The following DCLK1 variants were observed in gnomAD, a reference collection of about 807,000 sequenced individuals.
DCLK1 encodes the protein serine/threonine-protein kinase DCLK1.
In DCLK1, 16 loss-of-function variants were observed where a neutral mutation model predicts 86.2. The observed-to-expected ratio is 0.19, with a 90% CI of 0.13 to 0.28. The LOEUF (loss-of-function observed/expected upper bound fraction) is 0.28. Among genes scored for constraint, DCLK1 ranks in the 10% least tolerant of loss-of-function variants. DCLK1 has a pLI of 1.00. For synonymous variants in DCLK1, 369 were observed against 370.5 expected, an observed-to-expected ratio of 1.00 and a Z score of 0.05; for missense variants, 590 against 940.2, an observed-to-expected ratio of 0.63 and a Z score of 4.87.
At chr13:36,056,049 T>A (rs1883294437) in intron 3 of DCLK1, among the ~76,000 whole-genome samples, 1 of 147,950 alleles carries the variant, frequency 6.8e-6, no homozygotes, top group East Asian at 2.0e-4. Flanking sequence ...ATTGTGGAAG[T>A]CAGTGTGGCG....
intron 15 of DCLK1, among the ~76,000 whole-genome samples, chr13:35,804,756 A>G (rs2086992355): frequency 1.3e-5 from 2 of 152,212 alleles, no homozygotes; most frequent in Admixed American, 6.5e-5. Flanking sequence ...ATTAATCAAA[A>G]CAAATTTCAC....
chr13:35,875,011 G>C (rs1409549259), intron 4 of DCLK1, among the ~76,000 whole-genome samples: 3 of 152,226 alleles, frequency 2.0e-5, no homozygotes, highest in Non-Finnish European at 2.9e-5. Flanking sequence ...AGGCATGATG[G>C]AGAACAATAC....
chr13:35,956,027 G>C (rs1479768094), intron 3 of DCLK1, among the ~76,000 whole-genome samples: 3 of 152,148 alleles, frequency 2.0e-5, no homozygotes, highest in Admixed American at 6.5e-5. Flanking sequence ...CTATTCCTCT[G>C]GTTTCTCTCA....
chr13:35,942,664 A>G (rs1453253828), intron 4 of DCLK1, among the ~76,000 whole-genome samples: 1 of 152,214 alleles, frequency 6.6e-6, no homozygotes, highest in Non-Finnish European at 1.5e-5. Flanking sequence ...TACCTTTTGG[A>G]CAGAGAAGAT....
intron 3 of DCLK1, among the ~76,000 whole-genome samples, chr13:36,055,508 T>A (rs1883269250): frequency 6.6e-6 from 1 of 152,202 alleles, no homozygotes; most frequent in Non-Finnish European, 1.5e-5. Flanking sequence ...TTCATTCCTT[T>A]TGGAGATTTC....
At chr13:36,019,440 T>C (rs1593822953) in intron 3 of DCLK1, among the ~76,000 whole-genome samples, 1 of 152,310 alleles carries the variant, frequency 6.6e-6, no homozygotes, top group East Asian at 1.9e-4. Flanking sequence ...CAGAGTCTTA[T>C]CAAAAGTATT....
At chr13:35,776,305 T>C (rs562977810) in intron 16 of DCLK1, among the ~76,000 whole-genome samples, 1 of 152,346 alleles carries the variant, frequency 6.6e-6, no homozygotes, top group Non-Finnish European at 1.5e-5. Context: ...AGTTGAATGT[T>C]TGTAAAAAAA....
chr13:35,967,153 G>A (rs1016540653), intron 3 of DCLK1, among the ~76,000 whole-genome samples: 3 of 151,128 alleles, frequency 2.0e-5, no homozygotes, highest in African/African-American at 7.3e-5. Context: ...CTGCCCGGCC[G>A]CCACCCCGAC....
chr13:35,981,037 A>G (rs570654301), intron 3 of DCLK1, among the ~76,000 whole-genome samples: 77 of 152,284 alleles, frequency 5.1e-4, no homozygotes, highest in African/African-American at 1.8e-3. Context: ...ACTAATCAAA[A>G]GAGAGCCAAA....
Position 36,081,698 on chromosome 13 carries a change from C to CA in DCLK1, c.723+30170dup, listed in dbSNP as rs542249055. ...CCAGCACACATGCGCATGAAGGTCT[C>CA]ACAACTTATAAAGGATTGCATCAAA... On this transcript the variant is annotated intron_variant, in intron 3 of 16. Coordinates refer to ENST00000360631, the MANE Select transcript of DCLK1 (RefSeq NM_001330071.2). Among the ~76,000 whole-genome samples, 396 of 152,282 alleles carry CA rather than the reference C, an allele frequency of 2.6e-3. 2 individuals carry two copies. The highest frequency in any genetic ancestry group is 9.0e-3 in the African/African-American group (375 of 41,556).
At chr13:35,942,205 T>C (rs909789177) in intron 4 of DCLK1, among the ~76,000 whole-genome samples, 1 of 152,112 alleles carries the variant, frequency 6.6e-6, no homozygotes. Flanking sequence ...CTTGATCTGT[T>C]GCCTAGGCTG....
At chr13:36,025,953 G>C (rs929156429) in intron 3 of DCLK1, among the ~76,000 whole-genome samples, 3 of 152,110 alleles carry the variant, frequency 2.0e-5, no homozygotes, top group Non-Finnish European at 4.4e-5. Flanking sequence ...ACTTGATCTA[G>C]GATGGTCATG....
chr13:36,066,293 G>A (rs1024261425), intron 3 of DCLK1, among the ~76,000 whole-genome samples: 9 of 152,116 alleles, frequency 5.9e-5, no homozygotes, highest in Non-Finnish European at 1.0e-4. Flanking sequence ...CATGAGAGTG[G>A]TCTGGAACAG....
chr13:35,832,799 G>C (rs1298903697), intron 8 of DCLK1, among the ~76,000 whole-genome samples: 1 of 152,158 alleles, frequency 6.6e-6, no homozygotes, highest in Admixed American at 6.5e-5. Context: ...AGTGGAATTT[G>C]ATTTTGAATT....
intron 16 of DCLK1, among the ~76,000 whole-genome samples, chr13:35,777,643 G>A (rs528998156): frequency 6.6e-5 from 10 of 152,198 alleles, no homozygotes; most frequent in Admixed American, 5.9e-4. Context: ...ACACAATCCC[G>A]TGTACACATT....
rs1027253341 is a variant in DCLK1, at chr13:35,885,007, G to A, written c.824-13667C>T. On this transcript the variant is annotated intron_variant, in intron 4 of 16. Coordinates refer to ENST00000360631, the MANE Select transcript of DCLK1 (RefSeq NM_001330071.2). ...GCCTGCCTTGTTCAGGTCATCACCA[G>A]GTCAGCGAAAACAGGACCAGGCTCT... Among the ~76,000 whole-genome samples the A allele has an allele frequency of 2.0e-5, 3 of 152,246 alleles. No homozygotes were observed. In the East Asian group the frequency reaches 5.8e-4, roughly 29 times the overall value.
intron 3 of DCLK1, among the ~76,000 whole-genome samples, chr13:36,102,995 C>T (rs545121187): frequency 2.6e-4 from 39 of 152,312 alleles, no homozygotes; most frequent in African/African-American, 9.1e-4. Flanking sequence ...ACGTTTCCCA[C>T]ATAAATGTGC....
chr13:36,012,243 G>C (rs1261767916), intron 3 of DCLK1, among the ~76,000 whole-genome samples: 17 of 141,928 alleles, frequency 1.2e-4, no homozygotes, highest in African/African-American at 4.2e-4. Flanking sequence ...AGTTAATATT[G>C]TTATGTGTGA....
At chr13:35,931,463 G>GC (rs1329730361) in intron 4 of DCLK1, among the ~76,000 whole-genome samples, 2 of 152,306 alleles carry the variant, frequency 1.3e-5, no homozygotes, top group East Asian at 3.9e-4. Flanking sequence ...CCATGAGCCT[G>GC]CATGGTTTGG....
Sources: allele counts gnomAD v4.1 joint callset (sites outside exome capture counted in the v4.1 genomes callset), GRCh38; gene constraint gnomAD v4.1.1; transcripts MANE v1.5; gene names NCBI Gene and HGNC (gene_info 2026-07-23, HGNC 2026-07-21).